The following PTPRG variants were observed in gnomAD, a reference collection of about 807,000 sequenced individuals.
PTPRG encodes protein tyrosine phosphatase receptor type G, also known as receptor-type tyrosine-protein phosphatase gamma.
In PTPRG, 102 loss-of-function variants were observed where a neutral mutation model predicts 165.3. That is an observed-to-expected ratio of 0.62 (90% CI 0.53 to 0.73). PTPRG has a LOEUF of 0.73. Among genes scored for constraint, PTPRG ranks in the 30% least tolerant of loss-of-function variants. The probability of loss-of-function intolerance (pLI) is 0.00; values close to 1 mark genes in which losing one functional copy is unlikely to be tolerated. For synonymous variants in PTPRG, 675 were observed against 669.5 expected, an observed-to-expected ratio of 1.01 and a Z score of -0.13; for missense variants, 1,866 against 1,861.4, an observed-to-expected ratio of 1.00 and a Z score of -0.05.
At chr3:61,880,291 T>C (rs781193777) in intron 2 of PTPRG, among the ~76,000 whole-genome samples, 5 of 152,184 alleles carry the variant, frequency 3.3e-5, no homozygotes, top group Non-Finnish European at 7.4e-5. Flanking sequence ...CTACCTTTTC[T>C]AGAATTTGTA....
At chr3:61,828,353 A>G (rs1286334077) in intron 2 of PTPRG, among the ~76,000 whole-genome samples, 5 of 152,226 alleles carry the variant, frequency 3.3e-5, no homozygotes, top group Admixed American at 1.3e-4. Flanking sequence ...ACAGCGACAC[A>G]TGTGTTGCAC....
At chr3:61,811,159 G>GGAAC (rs2035562277) in intron 2 of PTPRG, among the ~76,000 whole-genome samples, 1 of 152,138 alleles carries the variant, frequency 6.6e-6, no homozygotes, top group South Asian at 2.1e-4. Context: ...GCTGGGTTTT[G>GGAAC]TGATGCTCTT....
chr3:61,640,109 TCTTG>T (rs1245925105), intron 1 of PTPRG, among the ~76,000 whole-genome samples: 1 of 152,228 alleles, frequency 6.6e-6, no homozygotes, highest in Admixed American at 6.5e-5. Flanking sequence ...CTGCTTTGCC[TCTTG>T]CTTTAAACTC....
At chr3:62,030,480 C>T (rs7620528) in intron 4 of PTPRG, among the ~76,000 whole-genome samples, 62,806 of 151,380 alleles carry the variant, frequency 0.41, 14,433 homozygotes, top group African/African-American at 0.62. Flanking sequence ...ATTCTATGGA[C>T]TTATTGTAGA....
chr3:62,021,861 T>C (rs888096554), intron 4 of PTPRG, among the ~76,000 whole-genome samples: 88 of 144,494 alleles, frequency 6.1e-4, no homozygotes, highest in African/African-American at 2.1e-3. Context: ...CCTTTTCTTT[T>C]TTTTTTTTTT....
At chr3:61,706,305 AC>A (rs2031253378) in intron 1 of PTPRG, among the ~76,000 whole-genome samples, 1 of 152,172 alleles carries the variant, frequency 6.6e-6, no homozygotes, top group South Asian at 2.1e-4. Context: ...ACTTAAAGCA[AC>A]ACTCTGACCT....
At position 61,870,405 on chromosome 3, in the gene PTPRG, T is replaced by C. The variant is rs555739674; in HGVS notation, c.191-119220T>C. 2.1e-5 allele frequency among the ~76,000 whole-genome samples: 3 copies of C among 145,570 alleles called. No homozygotes were observed. The East Asian group carries it at 6.3e-4, about 30-fold the overall frequency. On this transcript the variant is annotated intron_variant, in intron 2 of 29. Transcript: ENST00000474889. ...CAGCTCCAGTGCAGCCTCCACCTCCTGGGTTCAAGCAATTCTCCTGCCTCA... is the reference window on the plus strand; with the variant it reads ...CAGCTCCAGTGCAGCCTCCACCTCCCGGGTTCAAGCAATTCTCCTGCCTCA...
chr3:61,901,009 C>G (rs1347218419), intron 2 of PTPRG, among the ~76,000 whole-genome samples: 1 of 152,162 alleles, frequency 6.6e-6, no homozygotes, highest in African/African-American at 2.4e-5. Flanking sequence ...GTTAGTTCAG[C>G]GCCTGGAACA....
chr3:61,785,791 G>C (rs2034678393), intron 2 of PTPRG, among the ~76,000 whole-genome samples: 2 of 152,128 alleles, frequency 1.3e-5, no homozygotes, highest in Non-Finnish European at 2.9e-5. Context: ...ACCTGAGCAG[G>C]GTTGAACATA....
At chr3:61,689,238 T>A (rs2029990336) in intron 1 of PTPRG, among the ~76,000 whole-genome samples, 1 of 152,232 alleles carries the variant, frequency 6.6e-6, no homozygotes, top group Non-Finnish European at 1.5e-5. Flanking sequence ...ATTACCTGTT[T>A]TGGAGAGTGA....
chr3:61,732,040 G>A (rs2032522940), intron 1 of PTPRG, among the ~76,000 whole-genome samples: 1 of 151,972 alleles, frequency 6.6e-6, no homozygotes, highest in South Asian at 2.1e-4. Flanking sequence ...TTGACCTCAG[G>A]TGATCCACCT....
rs1188032578 is a variant in PTPRG at position 62,210,447 on chromosome 3, A to AG, written c.2155+6500dup. On this transcript the variant is annotated intron_variant, in intron 12 of 29. Coordinates refer to ENST00000474889, the MANE Select transcript of PTPRG (RefSeq NM_002841.4). The surrounding 1 kb of genome is among the most constrained non-coding windows in gnomAD (Gnocchi z 4.1). ...AAATGTTGGCAGAAATGTGGAAAGA[A>AG]GGGAACCCTTTGTGCACTGCTAGTG... 3.3e-5 allele frequency among the ~76,000 whole-genome samples: 5 copies of AG among 152,238 alleles called. No homozygotes were observed. The highest frequency in any genetic ancestry group is 1.2e-4 in the African/African-American group (5 of 41,464).
At chr3:61,939,959 TTTTTTG>T (rs1330102987) in intron 2 of PTPRG, among the ~76,000 whole-genome samples, 4 of 84,378 alleles carry the variant, frequency 4.7e-5, no homozygotes, top group African/African-American at 1.3e-4. Flanking sequence ...TTTTTTTTTT[TTTTTTG>T]AGACAGTCTT....
At chr3:61,898,398 T>C (rs866759164) in intron 2 of PTPRG, among the ~76,000 whole-genome samples, 10 of 152,298 alleles carry the variant, frequency 6.6e-5, no homozygotes, top group Middle Eastern at 6.8e-3. Flanking sequence ...TCCGGCCTCA[T>C]TGTTTGCCCT....
chr3:62,046,054 A>C (rs1700280788), intron 4 of PTPRG, among the ~76,000 whole-genome samples: 1 of 151,974 alleles, frequency 6.6e-6, no homozygotes, highest in Non-Finnish European at 1.5e-5. Flanking sequence ...CGCACAAAGC[A>C]CCATTCCCCT....
intron 1 of PTPRG, among the ~76,000 whole-genome samples, chr3:61,582,382 A>T (rs1263923706): frequency 6.6e-6 from 1 of 152,210 alleles, no homozygotes; most frequent in Non-Finnish European, 1.5e-5. Flanking sequence ...AACCACATGT[A>T]GCCAAAGTGG....
chr3:62,201,369 T>C (rs961582176), intron 10 of PTPRG, 136 bp from the exon 11 acceptor site: 12 of 691,178 alleles, frequency 1.7e-5, no homozygotes, highest in Non-Finnish European at 2.5e-5. Context: ...TATTTTTAAA[T>C]GGTTGGAAAA....
chr3:62,030,334 C>T (rs754768012), intron 4 of PTPRG, among the ~76,000 whole-genome samples: 5 of 152,130 alleles, frequency 3.3e-5, no homozygotes, highest in South Asian at 2.1e-4. Flanking sequence ...AATCCACCTG[C>T]CAGATTCCTC....
At chr3:62,077,478 G>C (rs2106750723) in intron 4 of PTPRG, among the ~76,000 whole-genome samples, 1 of 152,136 alleles carries the variant, frequency 6.6e-6, no homozygotes, top group East Asian at 1.9e-4. Context: ...CTTGTTAAGA[G>C]GATTAAGAAA....
Sources: gnomAD v4.1 joint callset for allele counts (sites outside exome capture counted in the v4.1 genomes callset) on GRCh38, gnomAD v4.1.1 for gene constraint, Gnocchi (gnomAD v3.1) non-coding constraint, MANE v1.5 for transcripts, NCBI Gene and HGNC (gene_info 2026-07-23, HGNC 2026-07-21) for gene names.